The following MAGI2 variants were observed in gnomAD, a reference collection of about 807,000 sequenced individuals.
MAGI2 encodes the protein membrane associated guanylate kinase, WW and PDZ domain containing 2, also known as membrane-associated guanylate kinase, WW and PDZ domain-containing protein 2.
Under a neutral mutation model 133.3 loss-of-function variants are expected in MAGI2, and 35 were observed. The ratio of observed to expected loss-of-function variants is 0.26; its 90% CI spans 0.20 to 0.35. The LOEUF (loss-of-function observed/expected upper bound fraction) is 0.35, where lower values mean the gene tolerates loss of function less well. MAGI2 is among the 10% of genes least tolerant of loss of function. The pLI, the probability that MAGI2 is intolerant of heterozygous loss-of-function variation, is 1.00. For synonymous variants in MAGI2, 729 were observed against 710.6 expected (o/e 1.03, Z -0.41); for missense variants, 1,636 against 1,863.4 (o/e 0.88, Z 2.25).
Position 79,399,079 on chromosome 7 carries a change from C to CTTTTCTTTTTTTTTTTT in MAGI2, c.301+53940_301+53941insAAAAAAAAAAAAGAAAA, listed in dbSNP as rs1585840184. On this transcript the variant is annotated intron_variant, in intron 1 of 21. Coordinates refer to ENST00000354212, the MANE Select transcript of MAGI2 (RefSeq NM_012301.4). ...CATCTTCAATTCACTAGTATTATTT[C>CTTTTCTTTTTTTTTTTT]TTTTTTTTTTCTTTTCTTTTTTTTT... Among the ~76,000 whole-genome samples the CTTTTCTTTTTTTTTTTT allele has an allele frequency of 9.9e-4, 113 of 114,630 alleles. 9 individuals carry two copies. The highest frequency in any genetic ancestry group is 5.9e-3 in the East Asian group (20 of 3,408). The allele number at this position is 114,630 out of a possible 152,430, so 75.2% of individuals were successfully genotyped here.
At chr7:79,091,458 A>T (rs1319944544) in intron 1 of MAGI2, among the ~76,000 whole-genome samples, 1 of 152,192 alleles carries the variant, frequency 6.6e-6, no homozygotes, top group Non-Finnish European at 1.5e-5. Flanking sequence ...ACAATCAGGA[A>T]TTATTATACT....
intron 2 of MAGI2, among the ~76,000 whole-genome samples, chr7:78,842,674 T>A (rs1053910531): frequency 8.6e-5 from 13 of 151,812 alleles, no homozygotes; most frequent in Non-Finnish European, 1.8e-4. Context: ...ATTTATGTGA[T>A]CACTTTAATG....
At chr7:78,900,639 C>T (rs1797552529) in intron 2 of MAGI2, among the ~76,000 whole-genome samples, 2 of 152,150 alleles carry the variant, frequency 1.3e-5, no homozygotes, top group Admixed American at 1.3e-4. Flanking sequence ...ACTGTTGTCA[C>T]CCCTATGCCA....
In MAGI2 at chr7:78,208,329, A is replaced by T. The variant is rs377384329; in HGVS notation, c.2048-7136T>A. Among the ~76,000 whole-genome samples, 3 of 152,252 alleles carry T rather than the reference A, an allele frequency of 2.0e-5. No homozygotes were observed. The East Asian group carries it at 5.8e-4, about 29-fold the overall frequency. On this transcript the variant is annotated intron_variant, in intron 10 of 21. Coordinates refer to ENST00000354212, the MANE Select transcript of MAGI2 (RefSeq NM_012301.4). ...CCAACCATTTCAAGTAATCCCAATG[A>T]CTATCAAAAGGATAAATCTGCACAT...
chr7:78,456,207 G>C (rs992272036), intron 6 of MAGI2, among the ~76,000 whole-genome samples: 8 of 151,786 alleles, frequency 5.3e-5, no homozygotes, highest in African/African-American at 1.5e-4. Context: ...TCCTATACAT[G>C]TTATAAAGAG....
intron 1 of MAGI2, among the ~76,000 whole-genome samples, chr7:79,362,501 C>T (rs937471288): frequency 1.3e-5 from 2 of 151,854 alleles, no homozygotes; most frequent in African/African-American, 2.4e-5. Context: ...GGGAATACTT[C>T]AGAATTCATT....
At chr7:78,163,863 C>T (rs1040499974) in intron 15 of MAGI2, among the ~76,000 whole-genome samples, 12 of 146,116 alleles carry the variant, frequency 8.2e-5, no homozygotes, top group East Asian at 2.0e-4. Flanking sequence ...GCTGAGATCG[C>T]GCCACTGCAC....
chr7:78,159,962 G>A (rs892677452), intron 16 of MAGI2, 63 bp downstream of exon 16: 17 of 1,502,952 alleles, frequency 1.1e-5, no homozygotes, highest in Non-Finnish European at 1.4e-5. Flanking sequence ...TCCGGTATCT[G>A]TATCACTGGA....
chr7:79,346,017 TC>T (rs1841287638), intron 1 of MAGI2, among the ~76,000 whole-genome samples: 1 of 152,066 alleles, frequency 6.6e-6, no homozygotes, highest in African/African-American at 2.4e-5. Context: ...ATTTTTCTCT[TC>T]TTAAAATTAC....
At chr7:78,573,182 G>A (rs1354004627) in intron 3 of MAGI2, among the ~76,000 whole-genome samples, 38 of 64,958 alleles carry the variant, frequency 5.8e-4, no homozygotes, top group Non-Finnish European at 9.0e-4. Flanking sequence ...ACGTACCCTG[G>A]AACTTTTATA....
At chr7:79,257,328 G>T (rs1254189460) in intron 1 of MAGI2, among the ~76,000 whole-genome samples, 1 of 151,952 alleles carries the variant, frequency 6.6e-6, no homozygotes, top group African/African-American at 2.4e-5. Flanking sequence ...TCACCTCACA[G>T]ATATCTGAGT....
At chr7:78,671,649 A>G (rs1814407248) in intron 2 of MAGI2, among the ~76,000 whole-genome samples, 1 of 152,166 alleles carries the variant, frequency 6.6e-6, no homozygotes, top group African/African-American at 2.4e-5. Context: ...AAAGTTAACC[A>G]TAATCACTTG....
intron 1 of MAGI2, among the ~76,000 whole-genome samples, chr7:79,115,989 G>A (rs1227691024): frequency 2.0e-5 from 3 of 147,584 alleles, no homozygotes; most frequent in Non-Finnish European, 3.0e-5. Context: ...AAATTATTCT[G>A]CATCCCATCA....
At chr7:79,375,476 A>G (rs981398452) in intron 1 of MAGI2, among the ~76,000 whole-genome samples, 2 of 151,922 alleles carry the variant, frequency 1.3e-5, no homozygotes, top group African/African-American at 4.8e-5. Context: ...GATACAAATA[A>G]TTTTTTTCAT....
At chr7:78,920,070 T>G (rs1584393040) in intron 2 of MAGI2, among the ~76,000 whole-genome samples, 1 of 152,222 alleles carries the variant, frequency 6.6e-6, no homozygotes, top group South Asian at 2.1e-4. Flanking sequence ...CCCATCAAAT[T>G]CAGAATTCAG....
intron 1 of MAGI2, among the ~76,000 whole-genome samples, chr7:79,053,035 C>A (rs957453822): frequency 2.0e-5 from 3 of 152,062 alleles, no homozygotes; most frequent in Non-Finnish European, 4.4e-5. Flanking sequence ...GTGCAGGGTG[C>A]GATCTCGGCT....
chr7:78,077,598 G>T (rs919061306), intron 21 of MAGI2, among the ~76,000 whole-genome samples: 1,322 of 87,050 alleles, frequency 0.015, 16 homozygotes, highest in Non-Finnish European at 0.017. Flanking sequence ...ACGCATTTAA[G>T]GTCTTTGAGT....
At chr7:78,392,452 TAG>T (rs1795980971) in intron 6 of MAGI2, among the ~76,000 whole-genome samples, 1 of 152,138 alleles carries the variant, frequency 6.6e-6, no homozygotes, top group African/African-American at 2.4e-5. Flanking sequence ...CTAGTTGGAA[TAG>T]AAGACTTGTG....
At chr7:78,297,065 CAGA>C (rs1797324400) in intron 9 of MAGI2, among the ~76,000 whole-genome samples, 2 of 152,178 alleles carry the variant, frequency 1.3e-5, no homozygotes, top group African/African-American at 4.8e-5. Flanking sequence ...ATTTCTGATG[CAGA>C]AGAATTACAA....
Sources: allele counts gnomAD v4.1 joint callset (sites outside exome capture counted in the v4.1 genomes callset), GRCh38; gene constraint gnomAD v4.1.1; transcripts MANE v1.5; gene names NCBI Gene and HGNC (gene_info 2026-07-23, HGNC 2026-07-21).